Variants in GFOD1 observed in about 807,000 individuals in gnomAD.
The protein encoded by GFOD1 is Gfo/Idh/MocA-like oxidoreductase domain containing 1.
A neutral mutation model predicts 25.4 loss-of-function variants in GFOD1; 9 were observed. The ratio of observed to expected loss-of-function variants is 0.35; its 90% CI spans 0.21 to 0.62. GFOD1 has a LOEUF of 0.62. Among genes scored for constraint, GFOD1 ranks in the 20% least tolerant of loss-of-function variants. GFOD1 has a pLI of 0.72. For synonymous variants in GFOD1, 253 were observed against 245.6 expected (o/e 1.03, Z -0.28); for missense variants, 403 against 556.9 (o/e 0.72, Z 2.78).
intron 1 of GFOD1, among the ~76,000 whole-genome samples, chr6:13,404,883 C>T (rs1328932342): frequency 6.6e-6 from 1 of 152,164 alleles, no homozygotes; most frequent in Non-Finnish European, 1.5e-5. Context: ...ACCTTTGGGT[C>T]AAATTTCACC....
chr6:13,429,747 T>C (rs1757716386), intron 1 of GFOD1, among the ~76,000 whole-genome samples: 1 of 152,234 alleles, frequency 6.6e-6, no homozygotes, highest in Non-Finnish European at 1.5e-5. Flanking sequence ...ACATAGAGTG[T>C]ACCCTAGGTA....
chr6:13,415,839 C>T (rs894718539), intron 1 of GFOD1, among the ~76,000 whole-genome samples: 5 of 152,204 alleles, frequency 3.3e-5, no homozygotes, highest in African/African-American at 2.4e-5. Context: ...GTTTTCTATT[C>T]GTTCATTAAA....
At position 13,411,312 on chromosome 6, in the gene GFOD1, G is replaced by A. The variant is rs186865817; in HGVS notation, c.254-45650C>T. Among the ~76,000 whole-genome samples, 96 of 152,094 alleles carry A rather than the reference G, an allele frequency of 6.3e-4. 1 individual carries two copies. The East Asian group carries it at 0.012, about 18-fold the overall frequency. On this transcript the variant is annotated intron_variant, in intron 1 of 1. Coordinates refer to ENST00000379287, the MANE Select transcript of GFOD1 (RefSeq NM_018988.4). ...GTCTATTTTCTTTTCTTTTTTTTGA[G>A]ACAGAGTCTCACTCTGTCAGCCAGG... is the stretch of plus-strand genomic sequence containing the variant.
chr6:13,479,800 G>A (rs545522482), intron 1 of GFOD1, among the ~76,000 whole-genome samples: 2 of 152,198 alleles, frequency 1.3e-5, no homozygotes, highest in South Asian at 2.1e-4. Context: ...GGGCTTCCTC[G>A]GCTCTACGAC....
At chr6:13,429,702 G>T (rs1169148087) in intron 1 of GFOD1, among the ~76,000 whole-genome samples, 1 of 152,148 alleles carries the variant, frequency 6.6e-6, no homozygotes, top group Non-Finnish European at 1.5e-5. Flanking sequence ...TGAGTGGGTT[G>T]GCAAAGAGCA....
At chr6:13,396,490 C>A (rs1584626848) in intron 1 of GFOD1, among the ~76,000 whole-genome samples, 1 of 152,198 alleles carries the variant, frequency 6.6e-6, no homozygotes, top group Non-Finnish European at 1.5e-5. Context: ...GATTCTGAGT[C>A]CTCCTGTGTG....
At chr6:13,444,128 A>C (rs1176507345) in intron 1 of GFOD1, among the ~76,000 whole-genome samples, 1 of 152,234 alleles carries the variant, frequency 6.6e-6, no homozygotes, top group Admixed American at 6.5e-5. Context: ...ACAATGGCAG[A>C]CTGGGTAAAG....
intron 1 of GFOD1, among the ~76,000 whole-genome samples, chr6:13,374,271 T>TGTGTGTGTG (rs1554199401): frequency 1.9e-4 from 26 of 134,408 alleles, no homozygotes; most frequent in African/African-American, 4.4e-4. Context: ...TATGTTTTTT[T>TGTGTGTGTG]TTTGTGTGTG....
At chr6:13,408,142 CCTT>C (rs1785981368) in intron 1 of GFOD1, 27 of 970,222 alleles carry the variant, frequency 2.8e-5, no homozygotes, top group South Asian at 4.8e-5. Context: ...TGAAGTGACA[CCTT>C]CTCTCTCCAG....
At position 13,364,366 on chromosome 6, in the gene GFOD1, G is replaced by A. The variant is rs569951396; in HGVS notation, c.*377C>T. 2.3e-5 allele frequency: 5 copies of A among 220,300 alleles called. No homozygotes were observed. In the East Asian group the frequency reaches 4.2e-4, roughly 18 times the overall value. The allele number at this position is 220,300 out of a possible 1,614,324, so 13.6% of individuals were successfully genotyped here. On this transcript the variant is annotated 3_prime_UTR_variant, in exon 2 of 2. Transcript: ENST00000379287. The surrounding 1 kb of genome is among the most constrained non-coding windows in gnomAD (Gnocchi z 4.1). ...CTGATACTAGTGCCTTGACCTTGCA[G>A]AACCACTTGGCTTGCAGAAGGCCAA... is the stretch of plus-strand genomic sequence containing the variant.
chr6:13,425,363 G>A (rs9370103), intron 1 of GFOD1, among the ~76,000 whole-genome samples: 141,974 of 152,162 alleles, frequency 0.93, 67,003 homozygotes, highest in East Asian at 1. Flanking sequence ...CACTTGTTCC[G>A]GGTCCCAGAA....
intron 1 of GFOD1, among the ~76,000 whole-genome samples, chr6:13,429,548 C>T (rs375849376): frequency 3.9e-5 from 6 of 152,214 alleles, no homozygotes; most frequent in South Asian, 2.1e-4. Context: ...GAACTGCTGA[C>T]GTCATAAAGC....
chr6:13,375,547 T>C (rs1785240226), intron 1 of GFOD1, among the ~76,000 whole-genome samples: 1 of 152,178 alleles, frequency 6.6e-6, no homozygotes, highest in Non-Finnish European at 1.5e-5. Flanking sequence ...TCAGCTCCTG[T>C]GTTAAAGCTC....
In GFOD1 at chr6:13,364,752, G is replaced by C. The variant is rs751756750; in HGVS notation, c.1164C>G (p.Leu388=). 6.2e-7 allele frequency: 1 copy of C among 1,611,998 alleles called. No individual in the cohort carries two copies. Among genetic ancestry groups the C allele is most frequent in the Non-Finnish European group, 8.5e-7 (1 of 1,179,266 alleles). Residue 388 remains leucine (L), a synonymous_variant, in exon 2 of 2, where the codon CTC becomes CTG. Transcript: ENST00000379287. This position sits in a 1 kb window ranked among gnomAD's most constrained non-coding sequence, Gnocchi z 4.1. ...AGGTTCTCAATCTGTGCTAACAGTA[G>C]AGGGACATCCTGCTGCGGCGCATGG... ...SEAMRRSRMS[L]YC
At chr6:13,477,863 C>T (rs552836116) in intron 1 of GFOD1, among the ~76,000 whole-genome samples, 5 of 151,922 alleles carry the variant, frequency 3.3e-5, no homozygotes, top group African/African-American at 9.6e-5. Flanking sequence ...GCCAGGAATT[C>T]GAGACCAGCC....
chr6:13,473,951 C>T (rs1175213358), intron 1 of GFOD1, among the ~76,000 whole-genome samples: 2 of 152,212 alleles, frequency 1.3e-5, no homozygotes, highest in African/African-American at 4.8e-5. Flanking sequence ...ATGTTCCCTA[C>T]TCAACAAAAC....
chr6:13,451,303 A>C (rs1006335192), intron 1 of GFOD1, among the ~76,000 whole-genome samples: 1 of 152,120 alleles, frequency 6.6e-6, no homozygotes, highest in Non-Finnish European at 1.5e-5. Context: ...GCCTTCATCC[A>C]CGGCCCTCAT....
At chr6:13,411,703 G>A (rs1039877666) in intron 1 of GFOD1, among the ~76,000 whole-genome samples, 3 of 152,190 alleles carry the variant, frequency 2.0e-5, no homozygotes, top group African/African-American at 7.2e-5. Flanking sequence ...ACTGATGAAG[G>A]CCTGCCATCC....
At chr6:13,423,508 T>G (rs1368778445) in intron 1 of GFOD1, among the ~76,000 whole-genome samples, 1 of 152,178 alleles carries the variant, frequency 6.6e-6, no homozygotes, top group Non-Finnish European at 1.5e-5. Context: ...TATATGATAG[T>G]TGGTCTGTTC....
Sources: gnomAD v4.1 joint callset for allele counts (sites outside exome capture counted in the v4.1 genomes callset) on GRCh38, gnomAD v4.1.1 for gene constraint, Gnocchi (gnomAD v3.1) non-coding constraint, MANE v1.5 for transcripts, NCBI Gene and HGNC (gene_info 2026-07-23, HGNC 2026-07-21) for gene names.